FIP1L1: variants seen among roughly 807,000 people sequenced by gnomAD.
FIP1L1 encodes factor interacting with PAPOLA and CPSF1.
A neutral mutation model predicts 84.6 loss-of-function variants in FIP1L1; 21 were observed. The ratio of observed to expected loss-of-function variants is 0.25; its 90% CI spans 0.18 to 0.36. The LOEUF (loss-of-function observed/expected upper bound fraction) is 0.36. Ranked by LOEUF, FIP1L1 falls within the 10% of genes least tolerant of loss-of-function variation. FIP1L1 has a pLI of 1.00. For synonymous variants in FIP1L1, 263 were observed against 242.3 expected (o/e 1.09, Z -0.80); for missense variants, 526 against 751.1 (o/e 0.70, Z 3.50).
Position 53,428,189 on chromosome 4 carries a change from T to C in FIP1L1, c.1174+6T>C. Reference sequence around the variant, plus strand: ...ACCTCTGATTCCACCACCGGGTAAATAGTAAATAAGACATTTGACTTTGAA... The same window carrying C: ...ACCTCTGATTCCACCACCGGGTAAACAGTAAATAAGACATTTGACTTTGAA... On this transcript the variant is annotated splice_donor_region_variant and intron_variant, in intron 13 of 17. Transcript: ENST00000337488. 1.3e-6 allele frequency: 2 copies of C among 1,562,208 alleles called. No individual in the cohort carries two copies. Among genetic ancestry groups the C allele is most frequent in the Middle Eastern group, 1.7e-4 (1 of 5,850 alleles).
chr4:53,377,992 C>G (rs1735464353), intron 1 of FIP1L1, 69 bp downstream of exon 1: 1 of 1,329,580 alleles, frequency 7.5e-7, no homozygotes, highest in African/African-American at 1.5e-5. Context: ...AAACGGCCGG[C>G]GTCCCTGGCC....
At chr4:53,380,853 G>T (rs1250160662) in intron 3 of FIP1L1, among the ~76,000 whole-genome samples, 4 of 152,054 alleles carry the variant, frequency 2.6e-5, no homozygotes, top group Non-Finnish European at 5.9e-5. Context: ...TTAATTACAG[G>T]TATAGTTTTA....
chr4:53,419,903 G>A (rs979170907), intron 11 of FIP1L1, among the ~76,000 whole-genome samples: 6 of 151,936 alleles, frequency 3.9e-5, no homozygotes, highest in African/African-American at 9.7e-5. Context: ...ACCTGAGGTC[G>A]GGAGTTCAAG....
intron 10 of FIP1L1, among the ~76,000 whole-genome samples, chr4:53,406,405 T>G (rs1753491857): frequency 6.6e-6 from 1 of 152,140 alleles, no homozygotes; most frequent in Non-Finnish European, 1.5e-5. Flanking sequence ...GCTGGATTTG[T>G]TTTGCCAGTA....
chr4:53,459,443 A>C lies in FIP1L1; in HGVS notation c.1779A>C (p.Ala593=). The change falls in exon 18 of 18, where the codon GCA becomes GCC. Residue 593 remains alanine (A), a synonymous_variant. Transcript: ENST00000337488. ...PEQESTEATP[A]E ...AGGAGAGCACCGAAGCTACACCTGC[A>C]GAATAGGCATGGTTTTGGCCTTTTG... is the stretch of plus-strand genomic sequence containing the variant. The C allele has an allele frequency of 6.2e-7, 1 of 1,613,668 alleles. No individual in the cohort carries two copies. The highest frequency in any genetic ancestry group is 8.5e-7 in the Non-Finnish European group (1 of 1,179,630).
chr4:53,429,593 G>A (rs1370165951), intron 13 of FIP1L1, among the ~76,000 whole-genome samples: 1 of 152,132 alleles, frequency 6.6e-6, no homozygotes, highest in Non-Finnish European at 1.5e-5. Flanking sequence ...GTGGTACTCT[G>A]TTGGATTCCT....
In FIP1L1 at chr4:53,453,055, A is replaced by G; in HGVS notation, c.1421A>G (p.Asp474Gly). ...ERDRDRERDR[D>G]RDRERERTRE... ...GACAGAGACAGAGAGCGAGACCGTG[A>G]TCGGGACAGAGAAAGAGAACGCACC... is the stretch of plus-strand genomic sequence containing the variant. The change falls in exon 16 of 18, where the codon GAT becomes GGT. Residue 474 changes from aspartate (D) to glycine (G), a missense_variant. This residue lies in a region of FIP1L1 where 89 missense variants were observed against 169.0 expected (regional missense o/e 0.53). Transcript: ENST00000337488. The G allele has an allele frequency of 6.2e-7, 1 of 1,613,198 alleles. No individual in the cohort carries two copies. Among genetic ancestry groups the G allele is most frequent in the Non-Finnish European group, 8.5e-7 (1 of 1,179,216 alleles).
At chr4:53,407,730 T>C (rs537968652) in intron 10 of FIP1L1, among the ~76,000 whole-genome samples, 217 of 152,366 alleles carry the variant, frequency 1.4e-3, no homozygotes, top group Non-Finnish European at 2.2e-3. Context: ...GTTGAATTGA[T>C]CCCTTTAGCA....
intron 15 of FIP1L1, among the ~76,000 whole-genome samples, chr4:53,450,668 C>T (rs1405510790): frequency 1.3e-5 from 2 of 152,162 alleles, no homozygotes; most frequent in African/African-American, 4.8e-5. Flanking sequence ...AAGACCTCAT[C>T]TCTTAAAACA....
chr4:53,458,815 A>G lies in FIP1L1; in HGVS notation c.1637+25A>G, dbSNP rs764353279. The G allele has an allele frequency of 1.5e-5, 24 of 1,603,596 alleles. 1 individual carries two copies. In the South Asian group the frequency reaches 2.7e-4, roughly 18 times the overall value. ...GGTTTGCTCTTTAATAAAATAGTGA[A>G]CCAATAGTATGTGAGAGATTTTGAC... is the stretch of plus-strand genomic sequence containing the variant. On this transcript the variant is annotated intron_variant, in intron 17 of 17. Transcript: ENST00000337488.
At chr4:53,410,396 G>A (rs1403558558) in intron 10 of FIP1L1, among the ~76,000 whole-genome samples, 2 of 152,150 alleles carry the variant, frequency 1.3e-5, no homozygotes, top group Admixed American at 1.3e-4. Flanking sequence ...CTCTTAGTTG[G>A]TCATTGTCAA....
In FIP1L1 at chr4:53,459,277, CTTTTTTT is replaced by C. The variant is rs3067115; in HGVS notation, c.1638-11_1638-5del. On this transcript the variant is annotated intron_variant, in intron 17 of 17. Coordinates refer to ENST00000337488, the MANE Select transcript of FIP1L1 (RefSeq NM_030917.4). ...GATTGTGTATTTAAACAGAACACACCTTTTTTTTTTTTTTTTTTTTCCAGTAATAGTA... is the reference window on the plus strand; with the variant it reads ...GATTGTGTATTTAAACAGAACACACCTTTTTTTTTTTTTCCAGTAATAGTA... 24 of 974,216 alleles carry C rather than the reference CTTTTTTT, an allele frequency of 2.5e-5. No homozygotes were observed. The highest frequency in any genetic ancestry group is 6.2e-5 in the East Asian group (2 of 32,048). 60.3% of individuals were successfully genotyped at this position (974,216 alleles called of 1,614,324 possible).
intron 13 of FIP1L1, among the ~76,000 whole-genome samples, chr4:53,436,596 A>G (rs1423855314): frequency 6.6e-6 from 1 of 152,226 alleles, no homozygotes; most frequent in Non-Finnish European, 1.5e-5. Flanking sequence ...CACACAGGAC[A>G]TAAATACCAG....
At chr4:53,421,581 C>T (rs1351220478) in intron 11 of FIP1L1, among the ~76,000 whole-genome samples, 2 of 152,180 alleles carry the variant, frequency 1.3e-5, no homozygotes, top group South Asian at 4.1e-4. Flanking sequence ...ATAACAAGTG[C>T]ATCTCTTTTC....
At chr4:53,413,704 A>G (rs1257789833) in intron 10 of FIP1L1, among the ~76,000 whole-genome samples, 1 of 152,102 alleles carries the variant, frequency 6.6e-6, no homozygotes, top group Non-Finnish European at 1.5e-5. Context: ...GAAGTTTCCT[A>G]CAGAGTTGTT....
rs767436287 is a variant in FIP1L1, at chr4:53,460,105, ACT to A, written c.*659_*660del. 2 of 199,652 alleles carry A rather than the reference ACT, an allele frequency of 1.0e-5. No individual in the cohort carries two copies. Among genetic ancestry groups the A allele is most frequent in the South Asian group, 1.9e-4 (1 of 5,256 alleles). 12.4% of individuals were successfully genotyped at this position (199,652 alleles called of 1,614,324 possible). A position where few individuals can be genotyped will look rare whatever the true frequency, so the allele number is the denominator to read the frequency against. On this transcript the variant is annotated 3_prime_UTR_variant, in exon 18 of 18. Coordinates refer to ENST00000337488, the MANE Select transcript of FIP1L1 (RefSeq NM_030917.4). The stretch of plus-strand genomic sequence containing the variant: ...GTTTCTAGGAGGCATGTGTACACAC[ACT>A]CTTCATTGTGGCACAAATTTAAATC...
chr4:53,422,722 A>AT (rs1031397792), intron 11 of FIP1L1, among the ~76,000 whole-genome samples: 47 of 149,452 alleles, frequency 3.1e-4, no homozygotes, highest in South Asian at 8.4e-4. Flanking sequence ...ATATATATAT[A>AT]TTTTTTTTTT....
Position 53,414,610 on chromosome 4 carries a change from A to C in FIP1L1, c.816-5A>C. 1 of 1,604,744 alleles carries C rather than the reference A, an allele frequency of 6.2e-7. No individual in the cohort carries two copies. Among genetic ancestry groups the C allele is most frequent in the Non-Finnish European group, 8.5e-7 (1 of 1,172,738 alleles). ...AGAAAAAACATAGAAAATTTATCTCACCAGAAACAGCACTTCTTCTCAGTC... is the reference window on the plus strand; with the variant it reads ...AGAAAAAACATAGAAAATTTATCTCCCCAGAAACAGCACTTCTTCTCAGTC... On this transcript the variant is annotated splice_region_variant and splice_polypyrimidine_tract_variant and intron_variant, in intron 10 of 17. Transcript: ENST00000337488.
chr4:53,413,791 A>G (rs928968655), intron 10 of FIP1L1, among the ~76,000 whole-genome samples: 1 of 151,968 alleles, frequency 6.6e-6, no homozygotes, highest in Non-Finnish European at 1.5e-5. Flanking sequence ...TTTTCCTTCC[A>G]TGTTCACTGA....
Sources: gnomAD v4.1 joint callset for allele counts (sites outside exome capture counted in the v4.1 genomes callset) on GRCh38, gnomAD v4.1.1 for gene constraint, gnomAD v4.1.1 regional missense constraint, MANE v1.5 for transcripts, NCBI Gene and HGNC (gene_info 2026-07-23, HGNC 2026-07-21) for gene names.